Variants in PPFIBP2 observed in about 807,000 individuals in gnomAD.
PPFIBP2 encodes PPFIB scaffold protein 2, also known as liprin-beta-2.
In PPFIBP2, 118 loss-of-function variants were observed where a neutral mutation model predicts 118.3. The ratio of observed to expected loss-of-function variants is 1.00; its 90% CI spans 0.86 to 1.16. The LOEUF is 1.16. Ranked by LOEUF, PPFIBP2 falls within the 50% of genes most tolerant of loss-of-function variation. PPFIBP2 has a pLI of 0.00. For missense variants in PPFIBP2, 1,195 were observed against 1,073.1 expected, an observed-to-expected ratio of 1.11 and a Z score of -1.59; for synonymous variants, 414 against 397.4, an observed-to-expected ratio of 1.04 and a Z score of -0.50.
chr11:7,658,041 A>G (rs775509414), downstream of PPFIBP2, among the ~76,000 whole-genome samples: 2 of 152,244 alleles, frequency 1.3e-5, no homozygotes, highest in Non-Finnish European at 2.9e-5. Context: ...GTCCCTGCCT[A>G]AAGGTGCTTA....
intron 5 of PPFIBP2, among the ~76,000 whole-genome samples, chr11:7,606,429 G>C (rs1438674150): frequency 6.6e-6 from 1 of 152,190 alleles, no homozygotes; most frequent in African/African-American, 2.4e-5. Flanking sequence ...GGATAAGTTT[G>C]TTGAAGGCTG....
downstream of PPFIBP2, chr11:7,653,818 G>A (rs1854424887): frequency 1.3e-5 from 16 of 1,187,236 alleles, no homozygotes; most frequent in Non-Finnish European, 1.7e-5. Flanking sequence ...AGCTGGAAAT[G>A]GAGTCCTACG....
intron 1 of PPFIBP2, among the ~76,000 whole-genome samples, chr11:7,518,171 A>C (rs1564931408): frequency 3.3e-5 from 5 of 152,224 alleles, no homozygotes; most frequent in Admixed American, 2.6e-4. Flanking sequence ...TGAAGGCTAA[A>C]TTAAGAAGGT....
chr11:7,530,069 A>G (rs1850562860), intron 1 of PPFIBP2, among the ~76,000 whole-genome samples: 1 of 152,176 alleles, frequency 6.6e-6, no homozygotes, highest in South Asian at 2.1e-4. Flanking sequence ...CCTGATCCCA[A>G]CATTTAGGCC....
chr11:7,537,577 G>A (rs552725817), intron 1 of PPFIBP2, among the ~76,000 whole-genome samples: 58 of 152,274 alleles, frequency 3.8e-4, no homozygotes, highest in African/African-American at 6.7e-4. Flanking sequence ...TCTCATTTAC[G>A]TTTACTTCTT....
chr11:7,644,871 C>CA (rs1488350185), intron 17 of PPFIBP2, among the ~76,000 whole-genome samples: 1 of 150,734 alleles, frequency 6.6e-6, no homozygotes, highest in Admixed American at 6.6e-5. Flanking sequence ...ACTAAAAATA[C>CA]AAAAAATTAG....
intron 4 of PPFIBP2, chr11:7,597,125 T>G: frequency 7.1e-7 from 1 of 1,409,962 alleles, no homozygotes; most frequent in Non-Finnish European, 9.3e-7. Context: ...CTCACACCCT[T>G]ATGAGAGAGG....
At chr11:7,663,923 G>C in the PPFIBP2 span, among the ~76,000 whole-genome samples, 8 of 152,172 alleles carry the variant, frequency 5.3e-5, no homozygotes, top group African/African-American at 1.9e-4. Flanking sequence ...AGGTGCGTCC[G>C]TCACCCCTTT....
downstream of PPFIBP2, among the ~76,000 whole-genome samples, chr11:7,654,832 G>A (rs1032290117): frequency 1.3e-5 from 2 of 152,212 alleles, no homozygotes; most frequent in Non-Finnish European, 2.9e-5. Context: ...TGTTCCCTTT[G>A]TGGGCTTGTT....
At chr11:7,525,942 G>T (rs1427964026) in intron 1 of PPFIBP2, among the ~76,000 whole-genome samples, 1 of 152,158 alleles carries the variant, frequency 6.6e-6, no homozygotes, top group Non-Finnish European at 1.5e-5. Context: ...TGGGCAAGGT[G>T]GGCAGCATGT....
At chr11:7,613,737 C>T (rs988910450) in intron 6 of PPFIBP2, among the ~76,000 whole-genome samples, 2 of 152,166 alleles carry the variant, frequency 1.3e-5, no homozygotes, top group African/African-American at 4.8e-5. Context: ...AGAAATCTGG[C>T]TTCTCCATGC....
intron 1 of PPFIBP2, chr11:7,539,393 TCTC>T (rs1159762482): frequency 1.3e-5 from 2 of 152,424 alleles, no homozygotes; most frequent in Non-Finnish European, 2.9e-5. Context: ...GTGTGCGGCT[TCTC>T]CTCTCCACTG....
intron 5 of PPFIBP2, among the ~76,000 whole-genome samples, chr11:7,600,938 C>CCTGG (rs1480809896): frequency 6.6e-6 from 1 of 152,210 alleles, no homozygotes; most frequent in Non-Finnish European, 1.5e-5. Flanking sequence ...ATAGGTCAAG[C>CCTGG]CTGGCCTGCA....
At chr11:7,536,884 G>T (rs1851278567) in intron 1 of PPFIBP2, among the ~76,000 whole-genome samples, 1 of 152,156 alleles carries the variant, frequency 6.6e-6, no homozygotes, top group South Asian at 2.1e-4. Context: ...CCTCCACGTT[G>T]TCCAGAATAG....
chr11:7,597,449 A>T lies in PPFIBP2; in HGVS notation c.373-111A>T, dbSNP rs371997865. The T allele has an allele frequency of 3.9e-6, 6 of 1,536,206 alleles. No homozygotes were observed. The African/African-American group carries it at 5.5e-5, about 14-fold the overall frequency. On this transcript the variant is annotated intron_variant, in intron 4 of 23. Coordinates refer to ENST00000299492, the MANE Select transcript of PPFIBP2 (RefSeq NM_003621.5). ...CACTCAGCAAAAATCAAAATCGTTC[A>T]CTGTGTGTAAGAGTCAGTGGTGAGA... is the stretch of plus-strand genomic sequence containing the variant.
chr11:7,569,156 G>A (rs1855367008), intron 3 of PPFIBP2: 1 of 152,204 alleles, frequency 6.6e-6, no homozygotes, highest in Admixed American at 6.5e-5. Context: ...ACATGAAAAG[G>A]GCACTCCTAG....
downstream of PPFIBP2, among the ~76,000 whole-genome samples, chr11:7,659,755 C>G (rs1166997164): frequency 1.1e-5 from 1 of 89,444 alleles, no homozygotes; most frequent in South Asian, 4.1e-4. Context: ...GCCATTTTGA[C>G]GATATTGATT....
chr11:7,603,101 A>G (rs1396937691), intron 5 of PPFIBP2, among the ~76,000 whole-genome samples: 1 of 151,836 alleles, frequency 6.6e-6, no homozygotes, highest in African/African-American at 2.4e-5. Flanking sequence ...TATCTCAAAG[A>G]GAATATTAAA....
intron 1 of PPFIBP2, among the ~76,000 whole-genome samples, chr11:7,537,451 T>C (rs572013929): frequency 3.3e-5 from 5 of 152,340 alleles, no homozygotes; most frequent in African/African-American, 9.6e-5. Context: ...TAATTCACCA[T>C]CATCTTGATC....
Sources: gnomAD v4.1 joint callset for allele counts (sites outside exome capture counted in the v4.1 genomes callset) on GRCh38, gnomAD v4.1.1 for gene constraint, MANE v1.5 for transcripts, NCBI Gene and HGNC (gene_info 2026-07-23, HGNC 2026-07-21) for gene names.